The following GMDS variants were observed in gnomAD, a reference collection of about 807,000 sequenced individuals.
The protein encoded by GMDS is GDP-mannose 4,6-dehydratase.
In GMDS, 20 loss-of-function variants were observed where a neutral mutation model predicts 49.9. The ratio of observed to expected loss-of-function variants is 0.40; its 90% CI spans 0.28 to 0.58. GMDS has a LOEUF of 0.58. Among genes scored for constraint, GMDS ranks in the 20% least tolerant of loss-of-function variants. GMDS has a pLI of 0.42. For synonymous variants in GMDS, 177 were observed against 178.6 expected (o/e 0.99, Z 0.07); for missense variants, 362 against 481.4 (o/e 0.75, Z 2.32).
At chr6:2,203,507 CT>C (rs3839612) in intron 1 of GMDS, among the ~76,000 whole-genome samples, 21,567 of 151,928 alleles carry the variant, frequency 0.14, 1,625 homozygotes, top group South Asian at 0.23. Context: ...TGCCAAGTTT[CT>C]TTGGACAGTA....
At chr6:1,909,736 GC>G in intron 7 of GMDS, among the ~76,000 whole-genome samples, 1 of 152,292 alleles carries the variant, frequency 6.6e-6, no homozygotes, top group Non-Finnish European at 1.5e-5. Flanking sequence ...CATGGCTATG[GC>G]CCCATGGGTG....
At chr6:2,010,648 A>G (rs1048749921) in intron 4 of GMDS, among the ~76,000 whole-genome samples, 6 of 152,204 alleles carry the variant, frequency 3.9e-5, no homozygotes, top group Non-Finnish European at 7.3e-5. Context: ...TGTAAATCAG[A>G]CTAAACAAAA....
intron 7 of GMDS, among the ~76,000 whole-genome samples, chr6:1,927,227 G>A (rs200317505): frequency 4.6e-4 from 6 of 13,104 alleles, no homozygotes; most frequent in South Asian, 2.5e-3. Flanking sequence ...AGAGGGTAGC[G>A]TGTTGGTGTA....
At chr6:1,647,786 G>C (rs1163600432) in intron 9 of GMDS, among the ~76,000 whole-genome samples, 1 of 152,180 alleles carries the variant, frequency 6.6e-6, no homozygotes, top group Non-Finnish European at 1.5e-5. Flanking sequence ...GCCGGAGTGG[G>C]GGAAGGACAA....
In GMDS at chr6:1,634,974, A is replaced by G. The variant is rs185664077; in HGVS notation, c.988-10434T>C. Among the ~76,000 whole-genome samples, 34 of 152,268 alleles carry G rather than the reference A, an allele frequency of 2.2e-4. No homozygotes were observed. In the East Asian group the frequency reaches 5.4e-3, roughly 24 times the overall value. ...TTTTCATCTGAATGAGAACGTTTTT[A>G]TTGCTTTCAAAGACATTCTACGAAT... On this transcript the variant is annotated intron_variant, in intron 9 of 10. Transcript: ENST00000380815.
At chr6:1,846,881 A>G (rs1178949453) in intron 7 of GMDS, among the ~76,000 whole-genome samples, 5 of 152,192 alleles carry the variant, frequency 3.3e-5, no homozygotes, top group Admixed American at 1.3e-4. Flanking sequence ...GGACTCTACT[A>G]AACCAAGGAG....
chr6:1,907,862 T>C lies in GMDS; in HGVS notation c.771+22241A>G, dbSNP rs576901693. On this transcript the variant is annotated intron_variant, in intron 7 of 10. Transcript: ENST00000380815. The stretch of plus-strand genomic sequence containing the variant: ...CTCCCCTCTTATCTGTGGGAGATGT[T>C]CCAAAGTCCCCGGTGGATACCTGAA... 4.6e-5 allele frequency among the ~76,000 whole-genome samples: 7 copies of C among 152,314 alleles called. 1 individual carries two copies. The South Asian group carries it at 1.5e-3, about 32-fold the overall frequency.
intron 4 of GMDS, among the ~76,000 whole-genome samples, chr6:2,092,145 G>C (rs1170707293): frequency 2.6e-5 from 4 of 152,176 alleles, no homozygotes; most frequent in Admixed American, 2.6e-4. Context: ...CTTTCAACTA[G>C]AGTTGTTTGT....
rs6914806 is a variant in GMDS, at chr6:1,777,862, A to G, written c.772-35276T>C. On this transcript the variant is annotated intron_variant, in intron 7 of 10. Coordinates refer to ENST00000380815, the MANE Select transcript of GMDS (RefSeq NM_001500.4). ...GGGAATTAAAAGCTTTAAACCTGTT[A>G]AAGAAGCAATATTAAGTTTGGTATA... Among the ~76,000 whole-genome samples the G allele has an allele frequency of 4.3e-3, 649 of 152,350 alleles. 5 individuals carry two copies. The highest frequency in any genetic ancestry group is 0.014 in the African/African-American group (585 of 41,580).
chr6:1,662,805 G>A (rs1317684507), intron 9 of GMDS, among the ~76,000 whole-genome samples: 4 of 152,126 alleles, frequency 2.6e-5, no homozygotes, highest in Admixed American at 2.6e-4. Flanking sequence ...AACATTTTGT[G>A]TTCTCTCCTG....
intron 1 of GMDS, among the ~76,000 whole-genome samples, chr6:2,229,300 G>A (rs1440355138): frequency 3.3e-5 from 5 of 151,898 alleles, no homozygotes; most frequent in African/African-American, 4.8e-5. Flanking sequence ...GGCTGTGCAT[G>A]GTGATTCATG....
At chr6:1,916,298 G>T (rs1361782756) in intron 7 of GMDS, among the ~76,000 whole-genome samples, 1 of 152,128 alleles carries the variant, frequency 6.6e-6, no homozygotes, top group Non-Finnish European at 1.5e-5. Context: ...TGGGGCGTCT[G>T]CCAGCTGCTC....
intron 4 of GMDS, among the ~76,000 whole-genome samples, chr6:1,980,900 C>CTATTA (rs1765186991): frequency 6.6e-6 from 1 of 152,048 alleles, no homozygotes; most frequent in Non-Finnish European, 1.5e-5. Flanking sequence ...AACTACACAA[C>CTATTA]TATTAATACA....
At chr6:2,113,726 C>G (rs534117439) in intron 4 of GMDS, among the ~76,000 whole-genome samples, 1 of 152,158 alleles carries the variant, frequency 6.6e-6, no homozygotes, top group African/African-American at 2.4e-5. Flanking sequence ...GCCAATCACC[C>G]CTCCTAGAGT....
intron 9 of GMDS, among the ~76,000 whole-genome samples, chr6:1,702,115 C>T (rs1230483449): frequency 2.0e-5 from 3 of 152,250 alleles, no homozygotes; most frequent in East Asian, 1.9e-4. Flanking sequence ...GGCGCCACAA[C>T]GCCAGTCAGA....
chr6:2,097,278 G>C (rs1402120227), intron 4 of GMDS, among the ~76,000 whole-genome samples: 2 of 152,082 alleles, frequency 1.3e-5, no homozygotes, highest in Non-Finnish European at 2.9e-5. Context: ...TGCCTTGTCT[G>C]TTGTTCTTGA....
At chr6:1,747,874 C>T (rs569256017) in intron 7 of GMDS, among the ~76,000 whole-genome samples, 10 of 152,072 alleles carry the variant, frequency 6.6e-5, no homozygotes, top group Middle Eastern at 3.2e-3. Flanking sequence ...TGGGCAAAAA[C>T]GCTGTGTCAC....
At chr6:1,884,817 A>G (rs1759523590) in intron 7 of GMDS, among the ~76,000 whole-genome samples, 1 of 152,232 alleles carries the variant, frequency 6.6e-6, no homozygotes, top group Non-Finnish European at 1.5e-5. Flanking sequence ...CGGTGCCCTG[A>G]GCTGCGCGAC....
chr6:1,857,717 A>G (rs1757998677), intron 7 of GMDS, among the ~76,000 whole-genome samples: 1 of 152,148 alleles, frequency 6.6e-6, no homozygotes, highest in African/African-American at 2.4e-5. Context: ...TATTCACTAT[A>G]TTTTTAGCAA....
Sources: allele counts gnomAD v4.1 joint callset (sites outside exome capture counted in the v4.1 genomes callset), GRCh38; gene constraint gnomAD v4.1.1; transcripts MANE v1.5; gene names NCBI Gene and HGNC (gene_info 2026-07-23, HGNC 2026-07-21).